Variants in MTMR10 observed in about 807,000 individuals in gnomAD.
MTMR10 encodes myotubularin-related protein 10.
Under a neutral mutation model 88.1 loss-of-function variants are expected in MTMR10, and 56 were observed. The ratio of observed to expected loss-of-function variants is 0.64; its 90% CI spans 0.51 to 0.79. The LOEUF (loss-of-function observed/expected upper bound fraction) is 0.79. Among genes scored for constraint, MTMR10 ranks in the 30% least tolerant of loss-of-function variants. MTMR10 has a pLI of 0.00. For missense variants in MTMR10, 883 were observed against 924.7 expected (o/e 0.95, Z 0.58); for synonymous variants, 380 against 340.9 (o/e 1.11, Z -1.26).
intron 6 of MTMR10, among the ~76,000 whole-genome samples, chr15:30,967,513 G>A (rs1031322400): frequency 6.6e-6 from 1 of 152,102 alleles, no homozygotes; most frequent in African/African-American, 2.4e-5. Context: ...AATCACTTTA[G>A]CTTTTGCATG....
chr15:30,922,472 A>G, the MTMR10 span: 3 of 1,077,308 alleles, frequency 2.8e-6, no homozygotes, highest in Non-Finnish European at 2.7e-6. Flanking sequence ...TCTTTTGTTA[A>G]CATTCTTCTT....
chr15:30,970,131 G>T (rs2063520089), intron 5 of MTMR10, among the ~76,000 whole-genome samples: 1 of 152,058 alleles, frequency 6.6e-6, no homozygotes, highest in Non-Finnish European at 1.5e-5. Flanking sequence ...TACCATGAAG[G>T]TCAATTCCTT....
chr15:30,920,702 A>T, the MTMR10 span: 1 of 1,099,098 alleles, frequency 9.1e-7, no homozygotes, highest in East Asian at 2.4e-5. Flanking sequence ...TGATGGCGTT[A>T]AACATGTGAA....
At chr15:30,942,142 A>C (rs2063076060) in intron 15 of MTMR10, 70 bp from the exon 16 acceptor site, 2 of 1,486,066 alleles carry the variant, frequency 1.3e-6, no homozygotes, top group Admixed American at 2.0e-5. Flanking sequence ...GCAATGGCAA[A>C]TATAAACTCA....
intron 11 of MTMR10, 108 bp from the exon 12 acceptor site, chr15:30,952,146 G>T (rs998959424): frequency 2.2e-6 from 2 of 916,906 alleles, no homozygotes; most frequent in African/African-American, 3.3e-5. Flanking sequence ...GATGCTCTCT[G>T]ATCATGATAT....
At chr15:30,963,127 TAAATA>T (rs2063425072) in intron 6 of MTMR10, among the ~76,000 whole-genome samples, 1 of 152,088 alleles carries the variant, frequency 6.6e-6, no homozygotes, top group African/African-American at 2.4e-5. Flanking sequence ...AAATGAAAAT[TAAATA>T]AAATTAAAAA....
rs745563492 is a variant in MTMR10 at position 30,941,944 on chromosome 15, G to A, written c.1860C>T (p.Thr620=). Residue 620 remains threonine (T), a synonymous_variant, in exon 16 of 16, where the codon ACC becomes ACT. Transcript: ENST00000435680. ...GCTCCGTATCACTGTTCTGGCTGTC[G>A]GTTTGCTGAGCTGGATCTGGCTTTG... The part of the protein sequence containing the change: ...LKPKPDPAQQ[T]DSQNSDTEQY... 170 of 1,613,858 alleles carry A rather than the reference G, an allele frequency of 1.1e-4. No homozygotes were observed. The highest frequency in any genetic ancestry group is 6.6e-4 in the Middle Eastern group (4 of 6,084).
chr15:30,925,648 C>A, the MTMR10 span: 1 of 960,132 alleles, frequency 1.0e-6, no homozygotes, highest in Non-Finnish European at 1.6e-6. Flanking sequence ...CGCAGTTCTG[C>A]GTGTGTGAGC....
At chr15:30,964,773 T>C (rs1443761722) in intron 6 of MTMR10, among the ~76,000 whole-genome samples, 2 of 152,202 alleles carry the variant, frequency 1.3e-5, no homozygotes, top group Non-Finnish European at 2.9e-5. Flanking sequence ...CACAGCAGAC[T>C]AAGCGTGAAA....
rs1039710152 is a variant in MTMR10 at position 30,959,581 on chromosome 15, T to C, written c.759-460A>G. 2.0e-5 allele frequency among the ~76,000 whole-genome samples: 3 copies of C among 152,172 alleles called. No homozygotes were observed. The East Asian group carries it at 5.8e-4, about 29-fold the overall frequency. ...CTCTAGGACACTGATCAGACAATAA[T>C]TACTAGTGGGCAAGCTCACTGCACC... On this transcript the variant is annotated intron_variant, in intron 7 of 15. Coordinates refer to ENST00000435680, the MANE Select transcript of MTMR10 (RefSeq NM_017762.3).
intron 12 of MTMR10, chr15:30,948,734 G>A (rs2063204811): frequency 1.9e-5 from 10 of 515,702 alleles, no homozygotes; most frequent in South Asian, 9.6e-5. Flanking sequence ...TTTTACATTC[G>A]AATGGTTTGT....
rs1048883459 is a variant in MTMR10 at position 30,939,399 on chromosome 15, C to A, written c.*2071G>T. The A allele has an allele frequency of 9.1e-6, 9 of 985,432 alleles. No homozygotes were observed. Among genetic ancestry groups the A allele is most frequent in the Non-Finnish European group, 1.1e-5 (9 of 829,916 alleles). 61.0% of individuals were successfully genotyped at this position (985,432 alleles called of 1,614,324 possible). On this transcript the variant is annotated 3_prime_UTR_variant, in exon 16 of 16. Transcript: ENST00000435680. ...CTGTGCAGCCACACCACTGCTGTCACCACATGTCCCTCTGACGGCAGAGGT... is the reference window on the plus strand; with the variant it reads ...CTGTGCAGCCACACCACTGCTGTCAACACATGTCCCTCTGACGGCAGAGGT...
At chr15:30,956,070 A>G (rs1342582890) in intron 9 of MTMR10, among the ~76,000 whole-genome samples, 1 of 151,890 alleles carries the variant, frequency 6.6e-6, no homozygotes, top group Non-Finnish European at 1.5e-5. Context: ...CCTAGAAAAG[A>G]TAAGAAAAAC....
At chr15:30,974,492 G>A (rs138149101) in intron 4 of MTMR10, 36 bp from the exon 5 acceptor site, 36 of 1,465,742 alleles carry the variant, frequency 2.5e-5, no homozygotes, top group Admixed American at 1.2e-4. Flanking sequence ...AATAAAATGC[G>A]TAACAGTTAT....
chr15:30,945,033 CTT>C (rs1159466323), intron 14 of MTMR10, among the ~76,000 whole-genome samples: 4 of 150,662 alleles, frequency 2.7e-5, no homozygotes, highest in Non-Finnish European at 5.9e-5. Flanking sequence ...AAGATGTTCT[CTT>C]TTTTAAAAGG....
chr15:30,930,837 A>G, the MTMR10 span, among the ~76,000 whole-genome samples: 12 of 152,186 alleles, frequency 7.9e-5, no homozygotes, highest in Admixed American at 3.9e-4. Flanking sequence ...GACTGGCTTC[A>G]TCAGAGCAGG....
chr15:30,955,396 G>A (rs1423011058), intron 9 of MTMR10, among the ~76,000 whole-genome samples: 2 of 152,010 alleles, frequency 1.3e-5, no homozygotes, highest in African/African-American at 4.8e-5. Flanking sequence ...TCACCCTCCC[G>A]AGTAGTTGGG....
Position 30,958,826 on chromosome 15 carries a change from AAACT to A in MTMR10, c.935+33_935+36del, listed in dbSNP as rs777782586. 41 of 1,596,388 alleles carry A rather than the reference AAACT, an allele frequency of 2.6e-5. No homozygotes were observed. The East Asian group carries it at 8.9e-4, about 35-fold the overall frequency. On this transcript the variant is annotated intron_variant, in intron 9 of 15. Coordinates refer to ENST00000435680, the MANE Select transcript of MTMR10 (RefSeq NM_017762.3). Reference sequence around the variant, plus strand: ...ACTCACTGTAGTTACACAACAAGTAAAACTATCTAAAGTGACAATGACCATTTCT... The same window carrying A: ...ACTCACTGTAGTTACACAACAAGTAAATCTAAAGTGACAATGACCATTTCT...
the MTMR10 span, among the ~76,000 whole-genome samples, chr15:30,929,814 ATATAT>A: frequency 0.017 from 959 of 55,838 alleles, 150 homozygotes; most frequent in African/African-American, 0.062. Context: ...AAAATATATA[ATATAT>A]TATATCATAT....
Sources: allele counts gnomAD v4.1 joint callset (sites outside exome capture counted in the v4.1 genomes callset), GRCh38; gene constraint gnomAD v4.1.1; transcripts MANE v1.5; gene names NCBI Gene and HGNC (gene_info 2026-07-23, HGNC 2026-07-21).